The following NCKIPSD variants were observed in gnomAD, a reference collection of about 807,000 sequenced individuals.
NCKIPSD encodes NCK-interacting protein with SH3 domain.
NCKIPSD carries 48 observed loss-of-function variants against 73.4 expected under a neutral mutation model. The ratio of observed to expected loss-of-function variants is 0.65; its 90% CI spans 0.52 to 0.83. The LOEUF (loss-of-function observed/expected upper bound fraction) is 0.83, where lower values mean the gene tolerates loss of function less well. NCKIPSD is among the 40% of genes least tolerant of loss of function. NCKIPSD has a pLI of 0.00. For missense variants in NCKIPSD, 884 were observed against 970.2 expected (o/e 0.91, Z 1.18); for synonymous variants, 422 against 403.6 (o/e 1.05, Z -0.54).
In NCKIPSD at chr3:48,679,855, C is replaced by A; in HGVS notation, c.1296G>T (p.Met432Ile). The A allele has an allele frequency of 6.2e-7, 1 of 1,614,216 alleles. No homozygotes were observed. The highest frequency in any genetic ancestry group is 8.5e-7 in the Non-Finnish European group (1 of 1,180,046). The change falls in exon 7 of 13, where the codon ATG (methionine) becomes ATT (isoleucine). Residue 432 changes from methionine (M) to isoleucine (I), a missense_variant. Coordinates refer to ENST00000294129, the MANE Select transcript of NCKIPSD (RefSeq NM_016453.4). ...CAGACTCGAACTCGTTTCTCTTGCA[C>A]ATTTTCTTGCAAACTTCAGGGTCTG... The part of the protein sequence containing the change: ...TDADPEVCKK[M>I]CKRNEFESVL...
chr3:48,674,472 C>A lies in NCKIPSD; in HGVS notation c.*72G>T. 1 of 1,521,968 alleles carries A rather than the reference C, an allele frequency of 6.6e-7. No homozygotes were observed. The highest frequency in any genetic ancestry group is 8.8e-7 in the Non-Finnish European group (1 of 1,132,798). 94.3% of individuals were successfully genotyped at this position (1,521,968 alleles called of 1,614,324 possible). On this transcript the variant is annotated 3_prime_UTR_variant, in exon 13 of 13. Coordinates refer to ENST00000294129, the MANE Select transcript of NCKIPSD (RefSeq NM_016453.4). ...ATCCCCTCCCACTGTCAGTGCAAAACATTCTTAGGGCCAAGCCCCTGAGTC... is the reference window on the plus strand; with the variant it reads ...ATCCCCTCCCACTGTCAGTGCAAAAAATTCTTAGGGCCAAGCCCCTGAGTC...
chr3:48,680,060 A>G lies in NCKIPSD; in HGVS notation c.1262T>C (p.Leu421Pro). The G allele has an allele frequency of 6.2e-7, 1 of 1,609,986 alleles. No homozygotes were observed. The highest frequency in any genetic ancestry group is 8.5e-7 in the Non-Finnish European group (1 of 1,176,912). ...RCYLEELLHI[L>P]TDADPEVCKK... is the part of the protein sequence containing the mutation. ...ATGTGTGTGGGACCCCACCCTTACCAGAATATGCAGCAGCTCCTCTAGGTA... is the reference window on the plus strand; with the variant it reads ...ATGTGTGTGGGACCCCACCCTTACCGGAATATGCAGCAGCTCCTCTAGGTA... The change falls in exon 6 of 13, where the codon CTG (leucine) becomes CCG (proline). Residue 421 changes from leucine to proline, a missense_variant and splice_region_variant. Physicochemically the swap from Leu to Pro is moderately conservative, Grantham distance 98. Transcript: ENST00000294129.
rs775376697 is a variant in NCKIPSD, at chr3:48,679,171, G to T, written c.1583C>A (p.Thr528Lys). Residue 528 changes from threonine (T) to lysine (K), a missense_variant, in exon 10 of 13, where the codon ACG becomes AAG. By Grantham distance (78) the Thr-to-Lys change is moderately conservative. Coordinates refer to ENST00000294129, the MANE Select transcript of NCKIPSD (RefSeq NM_016453.4). ...VPYAHYEHLG[T>K]PFAQFLLNIV... ...GTTCAGTAGGAACTGGGCGAAAGGC[G>T]TGCCCAGGTGCTCTGGGAGAGGGGC... is the stretch of plus-strand genomic sequence containing the variant. The T allele has an allele frequency of 6.2e-7, 1 of 1,614,036 alleles. No homozygotes were observed. The highest frequency in any genetic ancestry group is 8.5e-7 in the Non-Finnish European group (1 of 1,179,970).
At position 48,680,143 on chromosome 3, in the gene NCKIPSD, C is replaced by T; in HGVS notation, c.1179G>A (p.Lys393=). 1 of 1,614,030 alleles carries T rather than the reference C, an allele frequency of 6.2e-7. No individual in the cohort carries two copies. Among genetic ancestry groups the T allele is most frequent in the Non-Finnish European group, 8.5e-7 (1 of 1,180,016 alleles). Residue 393 remains lysine, a synonymous_variant, in exon 6 of 13, where the codon AAG becomes AAA. Transcript: ENST00000294129. Reference sequence around the variant, plus strand: ...CCCAACTGCGCTGCTGGGCGTCGTCCTTCCGGCGAGCCAGGTCTGCAAAGA... The same window carrying T: ...CCCAACTGCGCTGCTGGGCGTCGTCTTTCCGGCGAGCCAGGTCTGCAAAGA... ...EVIFADLARR[K]DDAQQRSWAL... is the part of the protein sequence containing the mutation.
chr3:48,685,195 G>C (rs1201788137), intron 1 of NCKIPSD, among the ~76,000 whole-genome samples: 1 of 2,700 alleles, frequency 3.7e-4, no homozygotes, highest in Non-Finnish European at 3.6e-3. Flanking sequence ...AGAAGGAAGG[G>C]AGGGAGGGAG....
At chr3:48,682,182 A>C in intron 3 of NCKIPSD, 26 bp from the exon 4 acceptor site, 1 of 1,588,596 alleles carries the variant, frequency 6.3e-7, no homozygotes, top group Non-Finnish European at 8.5e-7. Flanking sequence ...AGGATCTTGG[A>C]GGACAGACTG....
chr3:48,676,181 T>C lies in NCKIPSD; in HGVS notation c.1966-1434A>G, dbSNP rs571873883. Among the ~76,000 whole-genome samples the C allele has an allele frequency of 2.2e-4, 34 of 152,350 alleles. 1 individual carries two copies. In the South Asian group the frequency reaches 3.3e-3, roughly 15 times the overall value. Reference sequence around the variant, plus strand: ...TCACTCTCCCTTAGAGTAGTAATAATGTCCACCTTCTCTGTCTTTGAAACC... The same window carrying C: ...TCACTCTCCCTTAGAGTAGTAATAACGTCCACCTTCTCTGTCTTTGAAACC... On this transcript the variant is annotated intron_variant, in intron 12 of 12. Transcript: ENST00000294129.
chr3:48,682,754 C>T (rs747205410), intron 2 of NCKIPSD, 149 bp downstream of exon 2: 145 of 1,264,770 alleles, frequency 1.1e-4, no homozygotes, highest in Non-Finnish European at 1.5e-4. Flanking sequence ...AAGGACCCGA[C>T]CCCACCTTGC....
chr3:48,682,726 C>T (rs1398467199), intron 2 of NCKIPSD, 174 bp from the exon 3 acceptor site: 3 of 1,126,372 alleles, frequency 2.7e-6, no homozygotes, highest in African/African-American at 1.5e-5. Flanking sequence ...GCGCTCTGCA[C>T]ACCCCTGGTG....
At chr3:48,679,498 G>A in intron 8 of NCKIPSD, 41 bp from the exon 9 acceptor site, 1 of 1,606,182 alleles carries the variant, frequency 6.2e-7, no homozygotes, top group Non-Finnish European at 8.5e-7. Context: ...CCCAAAGATG[G>A]CAGGAAACCC....
rs954439179 is a variant in NCKIPSD at position 48,679,265 on chromosome 3, C to T, written c.1571-82G>A. 5.0e-6 allele frequency: 8 copies of T among 1,611,138 alleles called. No homozygotes were observed. The African/African-American group carries it at 9.4e-5, about 19-fold the overall frequency. ...CCCACCCTTCCTGGCTTTCTGTGAG[C>T]CTTGGGGATAGCCTCTCCCTGCTAG... On this transcript the variant is annotated intron_variant, in intron 9 of 12. Coordinates refer to ENST00000294129, the MANE Select transcript of NCKIPSD (RefSeq NM_016453.4).
chr3:48,674,820 C>T, intron 12 of NCKIPSD, 73 bp from the exon 13 acceptor site: 1 of 1,465,612 alleles, frequency 6.8e-7, no homozygotes, highest in East Asian at 2.3e-5. Flanking sequence ...GACAGGACCC[C>T]ACTGTCCCAC....
chr3:48,681,854 G>A (rs2077358687), intron 4 of NCKIPSD, 74 bp from the exon 5 acceptor site: 26 of 1,458,756 alleles, frequency 1.8e-5, no homozygotes, highest in South Asian at 2.9e-5. Flanking sequence ...CAGATCCCCT[G>A]TCCCCTAACA....
rs1194419663 is a variant in NCKIPSD at position 48,683,168 on chromosome 3, G to A, written c.172-156C>T. On this transcript the variant is annotated intron_variant, in intron 1 of 12. Transcript: ENST00000294129. ...AAAGTTGAACCAGAATATGGAATGG[G>A]GTTCTCAAACTGTATCACTCAGGGA... 4.4e-6 allele frequency: 6 copies of A among 1,370,052 alleles called. 1 individual carries two copies. In the Middle Eastern group the frequency reaches 6.4e-4, roughly 146 times the overall value. 84.9% of individuals were successfully genotyped at this position (1,370,052 alleles called of 1,614,324 possible).
In NCKIPSD at chr3:48,684,808, C is replaced by T. The variant is rs117059153; in HGVS notation, c.171+829G>A. Among the ~76,000 whole-genome samples the T allele has an allele frequency of 1.1e-4, 17 of 152,292 alleles. No homozygotes were observed. In the East Asian group the frequency reaches 2.3e-3, roughly 21 times the overall value. The stretch of plus-strand genomic sequence containing the variant: ...ATCAGACCAGGAGAAGCTATAAGAA[C>T]TCACTTCATCACAATGTGAGCAGTC... On this transcript the variant is annotated intron_variant, in intron 1 of 12. Transcript: ENST00000294129.
Position 48,682,424 on chromosome 3 carries a change from A to G in NCKIPSD, c.410T>C (p.Val137Ala). 1 of 1,613,822 alleles carries G rather than the reference A, an allele frequency of 6.2e-7. No homozygotes were observed. The highest frequency in any genetic ancestry group is 8.5e-7 in the Non-Finnish European group (1 of 1,179,962). The change falls in exon 3 of 13, where the codon GTG (valine) becomes GCG (alanine). Residue 137 changes from valine (V) to alanine (A), a missense_variant. Val to Ala is a moderately conservative substitution (Grantham distance 64). Coordinates refer to ENST00000294129, the MANE Select transcript of NCKIPSD (RefSeq NM_016453.4). ...CTGCCGCTCGAACCCAGCTCGACAC[A>G]CCCCATTGGGCTGCCTGGCTGCAGC... ...DAAAARQPNG[V>A]CRAGFERQHS...
chr3:48,681,814 GC>G, intron 4 of NCKIPSD, 34 bp from the exon 5 acceptor site: 3 of 1,464,740 alleles, frequency 2.0e-6, no homozygotes, highest in Non-Finnish European at 2.7e-6. Context: ...GGCCAGGGCA[GC>G]CCCCTGGAAA....
At position 48,674,282 on chromosome 3, in the gene NCKIPSD, G is replaced by T. The variant is rs1028256725; in HGVS notation, c.*262C>A. 5 of 1,347,534 alleles carry T rather than the reference G, an allele frequency of 3.7e-6. No individual in the cohort carries two copies. The African/African-American group carries it at 7.3e-5, about 20-fold the overall frequency. 83.5% of individuals were successfully genotyped at this position (1,347,534 alleles called of 1,614,324 possible). A position where few individuals can be genotyped will look rare whatever the true frequency, so the allele number is the denominator to read the frequency against. ...TACACATGGGTGTGGGGTGAAGAGG[G>T]GGGCATGCTGAAGAGGAAGCCTACC... On this transcript the variant is annotated 3_prime_UTR_variant, in exon 13 of 13. Coordinates refer to ENST00000294129, the MANE Select transcript of NCKIPSD (RefSeq NM_016453.4).
At chr3:48,676,375 A>G (rs1575560861) in intron 12 of NCKIPSD, among the ~76,000 whole-genome samples, 1 of 151,698 alleles carries the variant, frequency 6.6e-6, no homozygotes. Flanking sequence ...TGCCCCATCC[A>G]CTTGACTCCT....
Sources: gnomAD v4.1 joint callset for allele counts (sites outside exome capture counted in the v4.1 genomes callset) on GRCh38, gnomAD v4.1.1 for gene constraint, MANE v1.5 for transcripts, NCBI Gene and HGNC (gene_info 2026-07-23, HGNC 2026-07-21) for gene names.